The following RANBP2 variants were observed in gnomAD, a reference collection of about 807,000 sequenced individuals.
RANBP2 encodes the protein RAN binding protein 2.
A neutral mutation model predicts 303.6 loss-of-function variants in RANBP2; 57 were observed. The ratio of observed to expected loss-of-function variants is 0.19; its 90% CI spans 0.15 to 0.23. The LOEUF (loss-of-function observed/expected upper bound fraction) is 0.23, where lower values mean the gene tolerates loss of function less well. Among genes scored for constraint, RANBP2 ranks in the 10% least tolerant of loss-of-function variants. The pLI, the probability that RANBP2 is intolerant of heterozygous loss-of-function variation, is 1.00. For missense variants in RANBP2, 3,138 were observed against 3,780.8 expected, an observed-to-expected ratio of 0.83 and a Z score of 4.46; for synonymous variants, 1,167 against 1,301.5, an observed-to-expected ratio of 0.90 and a Z score of 2.23.
chr2:109,740,492 AG>A, the RANBP2 span, among the ~76,000 whole-genome samples: 1 of 152,334 alleles, frequency 6.6e-6, no homozygotes, highest in African/African-American at 2.4e-5. Flanking sequence ...TGACATCTAG[AG>A]ACTACTTCAT....
the RANBP2 span, among the ~76,000 whole-genome samples, chr2:109,505,637 C>A: frequency 2.6e-5 from 4 of 152,202 alleles, no homozygotes; most frequent in African/African-American, 9.7e-5. Flanking sequence ...TCCCTCCGGA[C>A]AAGGCTGTGT....
the RANBP2 span, among the ~76,000 whole-genome samples, chr2:109,042,758 A>G: frequency 6.6e-6 from 1 of 152,234 alleles, no homozygotes; most frequent in Non-Finnish European, 1.5e-5. Context: ...GTCCACATAA[A>G]TGGAAATCCT....
At chr2:109,158,545 C>T in the RANBP2 span, among the ~76,000 whole-genome samples, 4 of 152,138 alleles carry the variant, frequency 2.6e-5, no homozygotes, top group Non-Finnish European at 5.9e-5. Context: ...TGTCCAGAGG[C>T]GCTCAGGGCT....
the RANBP2 span, among the ~76,000 whole-genome samples, chr2:109,546,645 A>G: frequency 6.6e-6 from 1 of 152,194 alleles, no homozygotes; most frequent in Non-Finnish European, 1.5e-5. Flanking sequence ...TCCAAATAAA[A>G]TATATGCAGT....
At chr2:109,272,519 G>A in the RANBP2 span, among the ~76,000 whole-genome samples, 57 of 152,294 alleles carry the variant, frequency 3.7e-4, no homozygotes, top group African/African-American at 1.3e-3. Context: ...GCACTCACAG[G>A]GGCCGAGTAG....
At chr2:108,948,966 A>C in the RANBP2 span, among the ~76,000 whole-genome samples, 1 of 152,154 alleles carries the variant, frequency 6.6e-6, no homozygotes, top group Non-Finnish European at 1.5e-5. Flanking sequence ...AAAACTTAAA[A>C]AAATTAGTTA....
chr2:108,969,716 T>C, the RANBP2 span, among the ~76,000 whole-genome samples: 1 of 152,288 alleles, frequency 6.6e-6, no homozygotes, highest in Non-Finnish European at 1.5e-5. Flanking sequence ...GAAAGAAATA[T>C]AAAAGAAGTG....
chr2:108,733,053 A>C (rs1384013097), intron 4 of RANBP2, among the ~76,000 whole-genome samples: 1 of 151,940 alleles, frequency 6.6e-6, no homozygotes, highest in Non-Finnish European at 1.5e-5. Flanking sequence ...CGAACTCCTG[A>C]CCTCATGTGA....
At chr2:108,777,769 A>G (rs147130587) in intron 25 of RANBP2, among the ~76,000 whole-genome samples, 1 of 152,270 alleles carries the variant, frequency 6.6e-6, no homozygotes, top group African/African-American at 2.4e-5. Flanking sequence ...CCGGTTTACT[A>G]GTGTAAGGCC....
the RANBP2 span, among the ~76,000 whole-genome samples, chr2:109,421,148 GA>G: frequency 6.6e-6 from 1 of 152,210 alleles, no homozygotes; most frequent in African/African-American, 2.4e-5. Flanking sequence ...TCTTCTTGAA[GA>G]ATTGGATGCA....
chr2:108,856,122 G>A, the RANBP2 span, among the ~76,000 whole-genome samples: 1 of 152,158 alleles, frequency 6.6e-6, no homozygotes, highest in African/African-American at 2.4e-5. Context: ...GCTTAAATTA[G>A]TGCTTCCCAA....
At chr2:109,633,245 T>G in the RANBP2 span, among the ~76,000 whole-genome samples, 1 of 151,820 alleles carries the variant, frequency 6.6e-6, no homozygotes, top group African/African-American at 2.4e-5. Flanking sequence ...ATACACAGAT[T>G]AGCCGGACGT....
the RANBP2 span, among the ~76,000 whole-genome samples, chr2:109,037,636 A>G: frequency 3.9e-5 from 6 of 152,206 alleles, no homozygotes; most frequent in African/African-American, 1.4e-4. Context: ...ATACAGAAAA[A>G]TAAATGTCAT....
At chr2:109,512,095 G>T in the RANBP2 span, among the ~76,000 whole-genome samples, 4 of 152,262 alleles carry the variant, frequency 2.6e-5, no homozygotes, top group African/African-American at 4.8e-5. Flanking sequence ...TCTAGTGGGG[G>T]CTGTGATATC....
chr2:108,844,648 A>C, the RANBP2 span, among the ~76,000 whole-genome samples: 1 of 152,174 alleles, frequency 6.6e-6, no homozygotes, highest in Admixed American at 6.5e-5. Flanking sequence ...TTGTTTCAGC[A>C]AAAGTTTTAA....
At chr2:109,183,812 G>C in the RANBP2 span, among the ~76,000 whole-genome samples, 1 of 152,332 alleles carries the variant, frequency 6.6e-6, no homozygotes, top group East Asian at 1.9e-4. Flanking sequence ...AGGGGGTTAA[G>C]TTACCTGTCC....
the RANBP2 span, among the ~76,000 whole-genome samples, chr2:108,980,749 T>C: frequency 2.0e-5 from 3 of 151,918 alleles, no homozygotes; most frequent in Non-Finnish European, 4.4e-5. Context: ...AGGGAACAAA[T>C]GCGGCAGCCC....
chr2:109,610,357 G>C, the RANBP2 span, among the ~76,000 whole-genome samples: 111 of 152,090 alleles, frequency 7.3e-4, 1 homozygote, highest in Non-Finnish European at 2.6e-4. Flanking sequence ...CAAAGTGCTG[G>C]GATTACAGGT....
the RANBP2 span, among the ~76,000 whole-genome samples, chr2:109,734,885 T>C: frequency 6.6e-6 from 1 of 152,188 alleles, no homozygotes; most frequent in Non-Finnish European, 1.5e-5. Flanking sequence ...AATTGTCACA[T>C]AATGATTGCA....
Sources: gnomAD v4.1 joint callset for allele counts (sites outside exome capture counted in the v4.1 genomes callset) on GRCh38, gnomAD v4.1.1 for gene constraint, MANE v1.5 for transcripts, NCBI Gene and HGNC (gene_info 2026-07-23, HGNC 2026-07-21) for gene names.